The following CYP26C1 variants were observed in gnomAD, a reference collection of about 807,000 sequenced individuals.
CYP26C1 encodes the protein cytochrome P450 26C1.
CYP26C1 carries 41 observed loss-of-function variants against 39.1 expected under a neutral mutation model. The observed-to-expected ratio is 1.05, with a 90% CI of 0.82 to 1.36. The LOEUF (loss-of-function observed/expected upper bound fraction) is 1.36, where lower values mean the gene tolerates loss of function less well. Among genes scored for constraint, CYP26C1 ranks in the 40% most tolerant of loss-of-function variants. CYP26C1 has a pLI of 0.00. For missense variants in CYP26C1, 833 were observed against 752.0 expected (o/e 1.11, Z -1.26); for synonymous variants, 362 against 350.8 (o/e 1.03, Z -0.36).
intron 3 of CYP26C1, chr10:93,063,676 A>G (rs543392607): frequency 2.0e-6 from 2 of 984,028 alleles, no homozygotes; most frequent in South Asian, 4.7e-5. Context: ...TAGGCTGATC[A>G]CCGTGGATAC....
At position 93,068,284 on chromosome 10, in the gene CYP26C1, C is replaced by T. The variant is rs763916511; in HGVS notation, c.1192-36C>T. ...TTCAGGGCCCCCCCGTTTCCAGGTG[C>T]CTCGTGGTCAGGCTGATCTCCTCGC... On this transcript the variant is annotated intron_variant, in intron 5 of 5. Transcript: ENST00000651965. 2.0e-6 allele frequency: 3 copies of T among 1,478,228 alleles called. No individual in the cohort carries two copies. The South Asian group carries it at 4.3e-5, about 21-fold the overall frequency. The allele number at this position is 1,478,228 out of a possible 1,614,324, so 91.6% of individuals were successfully genotyped here.
intron 3 of CYP26C1, chr10:93,063,433 C>A (rs747892173): frequency 3.0e-5 from 30 of 991,050 alleles, no homozygotes; most frequent in Non-Finnish European, 3.4e-5. Flanking sequence ...TCCAGCCCAG[C>A]GCCAGCCCCG....
Position 93,069,452 on chromosome 10 carries a change from A to T in CYP26C1, c.*755A>T, listed in dbSNP as rs1388906425. 6.6e-6 allele frequency: 1 copy of T among 152,286 alleles called. No homozygotes were observed. Among genetic ancestry groups the T allele is most frequent in the African/African-American group, 2.4e-5 (1 of 41,468 alleles). 9.4% of individuals were successfully genotyped at this position (152,286 alleles called of 1,614,324 possible). A position where few individuals can be genotyped will look rare whatever the true frequency, so the allele number is the denominator to read the frequency against. On this transcript the variant is annotated 3_prime_UTR_variant, in exon 6 of 6. Transcript: ENST00000651965. ...ACGTCTCCAACGCTGGATTATTTTC[A>T]TGGGAGGTTGAGACATAATTAGAGA...
At chr10:93,064,702 C>T in intron 4 of CYP26C1, 166 bp downstream of exon 4, 1 of 1,393,542 alleles carries the variant, frequency 7.2e-7, no homozygotes, top group Non-Finnish European at 9.3e-7. Context: ...ATGACTCAGC[C>T]ACACTCACTA....
intron 4 of CYP26C1, 30 bp from the exon 5 acceptor site, chr10:93,065,926 G>T: frequency 6.6e-7 from 1 of 1,521,486 alleles, no homozygotes. Flanking sequence ...CACCGCCCGA[G>T]ACTCAGTGCA....
chr10:93,068,384 C>T lies in CYP26C1; in HGVS notation c.1256C>T (p.Ala419Val). ...ATCCGGGACACGCACGAGACGGCTGCGGTGTACCGCAGCCCTCCCGAAGGC... is the reference window on the plus strand; with the variant it reads ...ATCCGGGACACGCACGAGACGGCTGTGGTGTACCGCAGCCCTCCCGAAGGC... ...YSIRDTHETA[A>V]VYRSPPEGFD... Residue 419 changes from alanine to valine, a missense_variant, in exon 6 of 6, where the codon GCG becomes GTG. Transcript: ENST00000651965. 1.9e-6 allele frequency: 3 copies of T among 1,594,962 alleles called. No homozygotes were observed. The South Asian group carries it at 3.4e-5, about 18-fold the overall frequency.
rs1464285841 is a variant in CYP26C1 at position 93,061,502 on chromosome 10, TC to T, written c.204+38del. On this transcript the variant is annotated intron_variant, in intron 1 of 5. Coordinates refer to ENST00000651965, the MANE Select transcript of CYP26C1 (RefSeq NM_183374.3). ...CCTTCGACCCCGAGCGCTAATACGGTCCCTTCTTCCCCCGGCTCCCACTGGA... is the reference window on the plus strand; with the variant it reads ...CCTTCGACCCCGAGCGCTAATACGGTCCTTCTTCCCCCGGCTCCCACTGGA... 12 of 1,546,532 alleles carry T rather than the reference TC, an allele frequency of 7.8e-6. No homozygotes were observed. The African/African-American group carries it at 1.6e-4, about 21-fold the overall frequency.
Position 93,066,304 on chromosome 10 carries a change from C to T in CYP26C1, c.1191+19C>T, listed in dbSNP as rs750158041. The T allele has an allele frequency of 4.5e-6, 6 of 1,328,934 alleles. No homozygotes were observed. In the Admixed American group the frequency reaches 1.6e-4, roughly 36 times the overall value. 82.3% of individuals were successfully genotyped at this position (1,328,934 alleles called of 1,614,324 possible). A position where few individuals can be genotyped will look rare whatever the true frequency, so the allele number is the denominator to read the frequency against. On this transcript the variant is annotated intron_variant, in intron 5 of 5. Transcript: ENST00000651965. ...GCTCGACGTAAGTGCGCCGTGCCAG[C>T]CCATGGCCAGCCTCCTGCCTCCTGC...
chr10:93,063,045 C>G (rs1472665082), intron 3 of CYP26C1, 50 bp downstream of exon 3: 5 of 1,511,134 alleles, frequency 3.3e-6, no homozygotes, highest in Non-Finnish European at 4.4e-6. Context: ...GCGGCGCGGG[C>G]GGGCCTCCCA....
chr10:93,066,305 C>T lies in CYP26C1; in HGVS notation c.1191+20C>T. On this transcript the variant is annotated intron_variant, in intron 5 of 5. Transcript: ENST00000651965. ...CTCGACGTAAGTGCGCCGTGCCAGC[C>T]CATGGCCAGCCTCCTGCCTCCTGCC... 1.5e-6 allele frequency: 2 copies of T among 1,323,618 alleles called. No individual in the cohort carries two copies. Among genetic ancestry groups the T allele is most frequent in the African/African-American group, 1.5e-5 (1 of 65,400 alleles). The allele number at this position is 1,323,618 out of a possible 1,614,324, so 82.0% of individuals were successfully genotyped here.
At chr10:93,066,897 T>C (rs996131542) in intron 5 of CYP26C1, among the ~76,000 whole-genome samples, 1 of 152,224 alleles carries the variant, frequency 6.6e-6, no homozygotes, top group African/African-American at 2.4e-5. Flanking sequence ...TGGGCCTCAG[T>C]TTACTCTCTG....
chr10:93,062,811 C>A lies in CYP26C1; in HGVS notation c.521C>A (p.Ala174Glu). 6.4e-7 allele frequency: 1 copy of A among 1,555,222 alleles called. No homozygotes were observed. Among genetic ancestry groups the A allele is most frequent in the Non-Finnish European group, 8.6e-7 (1 of 1,157,196 alleles). Residue 174 changes from alanine to glutamate, a missense_variant, in exon 3 of 6, where the codon GCG (alanine) becomes GAG (glutamate). Coordinates refer to ENST00000651965, the MANE Select transcript of CYP26C1 (RefSeq NM_183374.3). ...CGGCATGAGGTGCGCTCCTGGTGCGCGGCGGGCGGGCCGGTCTCAGTCTAC... is the reference window on the plus strand; with the variant it reads ...CGGCATGAGGTGCGCTCCTGGTGCGAGGCGGGCGGGCCGGTCTCAGTCTAC... ...ALRHEVRSWC[A>E]AGGPVSVYDA...
Position 93,068,850 on chromosome 10 carries a change from G to A in CYP26C1, c.*153G>A. The stretch of plus-strand genomic sequence containing the variant: ...GTTCGCCAAACGCGGATGTGTGCCG[G>A]ACTCGAGGAAGGAGGAGGGCGAGCC... On this transcript the variant is annotated 3_prime_UTR_variant, in exon 6 of 6. Transcript: ENST00000651965. 2 of 1,317,262 alleles carry A rather than the reference G, an allele frequency of 1.5e-6. No individual in the cohort carries two copies. Among genetic ancestry groups the A allele is most frequent in the Non-Finnish European group, 2.0e-6 (2 of 1,010,438 alleles). 81.6% of individuals were successfully genotyped at this position (1,317,262 alleles called of 1,614,324 possible). A position where few individuals can be genotyped will look rare whatever the true frequency, so the allele number is the denominator to read the frequency against.
At chr10:93,066,398 ACGGCGCGGTCACCTCTTTT>A in intron 5 of CYP26C1, 113 bp downstream of exon 5, 2 of 1,075,448 alleles carry the variant, frequency 1.9e-6, no homozygotes, top group Non-Finnish European at 2.4e-6. Context: ...AGGGATTCGG[ACGGCGCGGTCACCTCTTTT>A]GCCCTCAGAG....
rs1022395648 is a variant in CYP26C1, at chr10:93,069,150, A to T, written c.*453A>T. ...GTGGGACCTGCAACCCTTGTAAGGA[A>T]GCGGGCACGCCGTGGGCGCAACCCT... is the stretch of plus-strand genomic sequence containing the variant. On this transcript the variant is annotated 3_prime_UTR_variant, in exon 6 of 6. Transcript: ENST00000651965. The T allele has an allele frequency of 1.3e-5, 2 of 155,152 alleles. No individual in the cohort carries two copies. The highest frequency in any genetic ancestry group is 4.8e-5 in the African/African-American group (2 of 41,588). 9.6% of individuals were successfully genotyped at this position (155,152 alleles called of 1,614,324 possible). A position where few individuals can be genotyped will look rare whatever the true frequency, so the allele number is the denominator to read the frequency against.
Position 93,064,476 on chromosome 10 carries a change from C to G in CYP26C1, c.801C>G (p.Leu267=), listed in dbSNP as rs746917460. The change falls in exon 4 of 6, where the codon CTC becomes CTG. Residue 267 remains leucine (L), a synonymous_variant. Transcript: ENST00000651965. ...AGGCTGCAGAGCCGGGTGATGCCCTCGACCTAATCATTCACAGTGCAAGGG... is the reference window on the plus strand; with the variant it reads ...AGGCTGCAGAGCCGGGTGATGCCCTGGACCTAATCATTCACAGTGCAAGGG... ...EDKAAEPGDA[L]DLIIHSAREL... is the part of the protein sequence containing the mutation. 1 of 1,614,150 alleles carries G rather than the reference C, an allele frequency of 6.2e-7. No individual in the cohort carries two copies. The highest frequency in any genetic ancestry group is 8.5e-7 in the Non-Finnish European group (1 of 1,180,040).
chr10:93,061,944 A>C, intron 1 of CYP26C1, 66 bp from the exon 2 acceptor site: 1 of 1,462,836 alleles, frequency 6.8e-7, no homozygotes, highest in Non-Finnish European at 9.2e-7. Flanking sequence ...GGCAGCTGGA[A>C]GGTCTGGGTC....
chr10:93,065,375 G>A lies in CYP26C1; in HGVS notation c.862-581G>A, dbSNP rs557099027. On this transcript the variant is annotated intron_variant, in intron 4 of 5. Transcript: ENST00000651965. ...CCAAGAAGACATTTAGTGACTCCCT[G>A]GGACCATTCCGATAGGGAGAGGATG... 6.2e-4 allele frequency among the ~76,000 whole-genome samples: 94 copies of A among 152,330 alleles called. 3 individuals carry two copies. The South Asian group carries it at 0.019, about 31-fold the overall frequency.
rs747824873 is a variant in CYP26C1 at position 93,064,479 on chromosome 10, C to G, written c.804C>G (p.Asp268Glu). 6.2e-7 allele frequency: 1 copy of G among 1,614,120 alleles called. No homozygotes were observed. Among genetic ancestry groups the G allele is most frequent in the East Asian group, 2.2e-5 (1 of 44,876 alleles). The change falls in exon 4 of 6, where the codon GAC becomes GAG. Residue 268 changes from aspartate (D) to glutamate (E), a missense_variant. Asp to Glu is a conservative substitution (Grantham distance 45, BLOSUM62 2). Transcript: ENST00000651965. ...CTGCAGAGCCGGGTGATGCCCTCGA[C>G]CTAATCATTCACAGTGCAAGGGAGC... is the stretch of plus-strand genomic sequence containing the variant. ...DKAAEPGDAL[D>E]LIIHSARELG...
Sources: gnomAD v4.1 joint callset for allele counts (sites outside exome capture counted in the v4.1 genomes callset) on GRCh38, gnomAD v4.1.1 for gene constraint, MANE v1.5 for transcripts, NCBI Gene and HGNC (gene_info 2026-07-23, HGNC 2026-07-21) for gene names.